Variants in SPRYD7 observed in about 807,000 individuals in gnomAD.
SPRYD7 encodes SPRY domain-containing protein 7.
A neutral mutation model predicts 23.8 loss-of-function variants in SPRYD7; 14 were observed. The observed-to-expected ratio is 0.59, with a 90% confidence interval of 0.39 to 0.92. The LOEUF (loss-of-function observed/expected upper bound fraction) is 0.92. Ranked by LOEUF, SPRYD7 falls within the 40% of genes least tolerant of loss-of-function variation. The probability of loss-of-function intolerance (pLI) is 0.00; values close to 1 mark genes in which losing one functional copy is unlikely to be tolerated. For synonymous variants in SPRYD7, 75 were observed against 84.9 expected (o/e 0.88, Z 0.64); for missense variants, 194 against 241.7 (o/e 0.80, Z 1.31).
chr13:49,930,068 G>A (rs1012596141), intron 2 of SPRYD7, among the ~76,000 whole-genome samples: 7 of 152,096 alleles, frequency 4.6e-5, no homozygotes, highest in African/African-American at 1.4e-4. Flanking sequence ...GGGATTACAG[G>A]TGTGAGCCAC....
intron 4 of SPRYD7, among the ~76,000 whole-genome samples, chr13:49,920,964 CAATA>C (rs903697393): frequency 4.6e-5 from 7 of 151,826 alleles, no homozygotes; most frequent in African/African-American, 1.2e-4. Flanking sequence ...CCGTTTCAAA[CAATA>C]AATAAATAAA....
intron 4 of SPRYD7, 27 bp downstream of exon 4, chr13:49,921,451 T>C (rs745743839): frequency 1.4e-6 from 2 of 1,384,910 alleles, no homozygotes; most frequent in Non-Finnish European, 1.0e-6. Context: ...ATGTATGTAA[T>C]AATACATTAG....
chr13:49,923,887 TC>T (rs1166595132), intron 3 of SPRYD7, among the ~76,000 whole-genome samples: 6 of 152,192 alleles, frequency 3.9e-5, no homozygotes, highest in African/African-American at 1.4e-4. Flanking sequence ...GTGTTCTATG[TC>T]TTTATTAATA....
intron 1 of SPRYD7, among the ~76,000 whole-genome samples, chr13:49,931,848 C>T (rs772140900): frequency 3.3e-5 from 5 of 152,014 alleles, no homozygotes; most frequent in African/African-American, 9.7e-5. Context: ...CTTGGGAGGC[C>T]GAGGTGGGAG....
At chr13:49,922,412 T>C (rs1955831769) in intron 3 of SPRYD7, among the ~76,000 whole-genome samples, 1 of 151,802 alleles carries the variant, frequency 6.6e-6, no homozygotes, top group Admixed American at 6.6e-5. Context: ...GCAGTTCATA[T>C]TTACTCATTT....
chr13:49,916,220 G>C (rs1319626413), intron 4 of SPRYD7, among the ~76,000 whole-genome samples: 1 of 152,152 alleles, frequency 6.6e-6, no homozygotes, highest in African/African-American at 2.4e-5. Flanking sequence ...TGCAGCTGTG[G>C]TGCGGGCTGC....
chr13:49,913,429 A>C lies in SPRYD7; in HGVS notation c.*1634T>G, dbSNP rs1357425750. The C allele has an allele frequency of 6.6e-6, 1 of 151,376 alleles. No homozygotes were observed. Among genetic ancestry groups the C allele is most frequent in the Non-Finnish European group, 1.5e-5 (1 of 67,906 alleles). 9.4% of individuals were successfully genotyped at this position (151,376 alleles called of 1,614,324 possible). A position where few individuals can be genotyped will look rare whatever the true frequency, so the allele number is the denominator to read the frequency against. On this transcript the variant is annotated 3_prime_UTR_variant, in exon 5 of 5. Coordinates refer to ENST00000361840, the MANE Select transcript of SPRYD7 (RefSeq NM_020456.4). Reference sequence around the variant, plus strand: ...GGTGAGACTCTGTCTCAAAAAAAAAACGAGAAAAAAAAAAAAAGAAAGAAA... The same window carrying C: ...GGTGAGACTCTGTCTCAAAAAAAAACCGAGAAAAAAAAAAAAAGAAAGAAA...
intron 2 of SPRYD7, among the ~76,000 whole-genome samples, chr13:49,930,091 C>G (rs868669821): frequency 6.6e-6 from 1 of 152,070 alleles, no homozygotes; most frequent in African/African-American, 2.4e-5. Flanking sequence ...TGCCCGATCA[C>G]TTTACAGTAA....
chr13:49,915,027 A>T lies in SPRYD7; in HGVS notation c.*36T>A, dbSNP rs1423399104. On this transcript the variant is annotated 3_prime_UTR_variant, in exon 5 of 5. Coordinates refer to ENST00000361840, the MANE Select transcript of SPRYD7 (RefSeq NM_020456.4). Reference sequence around the variant, plus strand: ...TTTATTAAATGATGAACATTTTTTAACAGTGCAGAAATACAAGTTTTAAAA... The same window carrying T: ...TTTATTAAATGATGAACATTTTTTATCAGTGCAGAAATACAAGTTTTAAAA... 2.6e-6 allele frequency: 3 copies of T among 1,173,584 alleles called. No homozygotes were observed. The highest frequency in any genetic ancestry group is 1.6e-5 in the African/African-American group (1 of 64,102). The allele number at this position is 1,173,584 out of a possible 1,614,324, so 72.7% of individuals were successfully genotyped here. A position where few individuals can be genotyped will look rare whatever the true frequency, so the allele number is the denominator to read the frequency against.
At chr13:49,927,836 A>G in intron 3 of SPRYD7, 83 bp downstream of exon 3, 3 of 1,464,802 alleles carry the variant, frequency 2.0e-6, no homozygotes, top group Non-Finnish European at 1.9e-6. Flanking sequence ...TCAAACCACA[A>G]ACTCCCAGAC....
chr13:49,928,137 G>A (rs369230015), intron 2 of SPRYD7, 52 bp from the exon 3 acceptor site: 46 of 1,513,886 alleles, frequency 3.0e-5, no homozygotes, highest in Non-Finnish European at 3.6e-6. Context: ...TACAACCATC[G>A]AGTTATTTTA....
rs142591694 is a variant in SPRYD7, at chr13:49,918,225, G to T, written c.494-3065C>A. Reference sequence around the variant, plus strand: ...CTACAGGCACGTACAACCACACCTGGATAATTTTAAAATTTTTTGTCGAGA... The same window carrying T: ...CTACAGGCACGTACAACCACACCTGTATAATTTTAAAATTTTTTGTCGAGA... On this transcript the variant is annotated intron_variant, in intron 4 of 4. Coordinates refer to ENST00000361840, the MANE Select transcript of SPRYD7 (RefSeq NM_020456.4). Among the ~76,000 whole-genome samples the T allele has an allele frequency of 3.3e-3, 504 of 151,894 alleles. 3 individuals carry two copies. Among genetic ancestry groups the T allele is most frequent in the African/African-American group, 0.01 (415 of 41,426 alleles).
chr13:49,927,351 C>G (rs1003016791), intron 3 of SPRYD7, among the ~76,000 whole-genome samples: 7 of 152,008 alleles, frequency 4.6e-5, no homozygotes, highest in Admixed American at 2.6e-4. Context: ...AAAAAATCAG[C>G]CAGGCCTGGT....
At position 49,915,066 on chromosome 13, in the gene SPRYD7, G is replaced by C. The variant is rs1955737704; in HGVS notation, c.588C>G (p.Phe196Leu). The change falls in exon 5 of 5, where the codon TTC becomes TTG. Residue 196 changes from phenylalanine (F) to leucine (L), a missense_variant. Transcript: ENST00000361840. ...FEKILFEQQI[F>L] is the part of the protein sequence containing the mutation. ...CAAGTTTTAAAAACAAATACATTCAGAAGATTTGCTGTTCAAATAATATTT... is the reference window on the plus strand; with the variant it reads ...CAAGTTTTAAAAACAAATACATTCACAAGATTTGCTGTTCAAATAATATTT... 1.9e-6 allele frequency: 3 copies of C among 1,540,714 alleles called. No individual in the cohort carries two copies. Among genetic ancestry groups the C allele is most frequent in the Non-Finnish European group, 1.8e-6 (2 of 1,135,008 alleles).
At chr13:49,933,343 G>A (rs1042939432) in intron 1 of SPRYD7, among the ~76,000 whole-genome samples, 5 of 152,244 alleles carry the variant, frequency 3.3e-5, no homozygotes, top group African/African-American at 7.2e-5. Context: ...GCTAACACCT[G>A]TAATCCCAGC....
Position 49,915,095 on chromosome 13 carries a change from C to G in SPRYD7, c.559G>C (p.Glu187Gln). 1 of 1,558,992 alleles carries G rather than the reference C, an allele frequency of 6.4e-7. No homozygotes were observed. The highest frequency in any genetic ancestry group is 1.2e-5 in the South Asian group (1 of 81,698). ...ATTTGCTGTTCAAATAATATTTTTTCAAAACCAGGTGGAGGCGTATGATAA... is the reference window on the plus strand; with the variant it reads ...ATTTGCTGTTCAAATAATATTTTTTGAAAACCAGGTGGAGGCGTATGATAA... ...EFYHTPPPGF[E>Q]KILFEQQIF is the part of the protein sequence containing the mutation. Residue 187 changes from glutamate to glutamine, a missense_variant, in exon 5 of 5, where the codon GAA becomes CAA. Physicochemically the swap from Glu to Gln is conservative, Grantham distance 29 (BLOSUM62 2). Coordinates refer to ENST00000361840, the MANE Select transcript of SPRYD7 (RefSeq NM_020456.4).
At chr13:49,921,837 G>C (rs1414601477) in intron 3 of SPRYD7, among the ~76,000 whole-genome samples, 1 of 152,178 alleles carries the variant, frequency 6.6e-6, no homozygotes, top group African/African-American at 2.4e-5. Flanking sequence ...AATTATATTT[G>C]TATAATCTGG....
rs567208908 is a variant in SPRYD7 at position 49,913,900 on chromosome 13, G to C, written c.*1163C>G. On this transcript the variant is annotated 3_prime_UTR_variant, in exon 5 of 5. Transcript: ENST00000361840. ...CATAGAATCTTATGTCAGTATGATT[G>C]CTCCTTTTATAAATGGGAATCTGAG... is the stretch of plus-strand genomic sequence containing the variant. 3.3e-5 allele frequency: 5 copies of C among 152,324 alleles called. No homozygotes were observed. In the South Asian group the frequency reaches 1.0e-3, roughly 32 times the overall value. 9.4% of individuals were successfully genotyped at this position (152,324 alleles called of 1,614,324 possible).
Position 49,927,927 on chromosome 13 carries a change from C to T in SPRYD7, c.382G>A (p.Asp128Asn). Residue 128 changes from aspartate to asparagine, a missense_variant, in exon 3 of 5, where the codon GAT becomes AAT. By Grantham distance (23) the Asp-to-Asn change is conservative. Transcript: ENST00000361840. ...TCCATGAGGGAACTCACCACCACATCTCCTTCCTGCGGAAGACTGTTTGCT... is the reference window on the plus strand; with the variant it reads ...TCCATGAGGGAACTCACCACCACATTTCCTTCCTGCGGAAGACTGTTTGCT... The part of the protein sequence containing the change: ...LPANSLPQEG[D>N]VVGITYDHVE... 1 of 1,614,164 alleles carries T rather than the reference C, an allele frequency of 6.2e-7. No homozygotes were observed. Among genetic ancestry groups the T allele is most frequent in the Non-Finnish European group, 8.5e-7 (1 of 1,180,010 alleles).
Sources: allele counts gnomAD v4.1 joint callset (sites outside exome capture counted in the v4.1 genomes callset), GRCh38; gene constraint gnomAD v4.1.1; transcripts MANE v1.5; gene names NCBI Gene and HGNC (gene_info 2026-07-23, HGNC 2026-07-21).